The following MAPKAPK5 variants were observed in gnomAD, a reference collection of about 807,000 sequenced individuals.
MAPKAPK5 encodes the protein MAPK activated protein kinase 5.
A neutral mutation model predicts 65.1 loss-of-function variants in MAPKAPK5; 30 were observed. The ratio of observed to expected loss-of-function variants is 0.46; its 90% CI spans 0.34 to 0.63. The LOEUF is 0.63. MAPKAPK5 is among the 20% of genes least tolerant of loss of function. The pLI is 0.01. For synonymous variants in MAPKAPK5, 179 were observed against 204.6 expected, an observed-to-expected ratio of 0.87 and a Z score of 1.07; for missense variants, 433 against 581.4, an observed-to-expected ratio of 0.74 and a Z score of 2.63.
chr12:111,878,092 A>C (rs2070056400), intron 7 of MAPKAPK5, among the ~76,000 whole-genome samples: 1 of 151,162 alleles, frequency 6.6e-6, no homozygotes, highest in African/African-American at 2.4e-5. Context: ...ATTTTCTCCC[A>C]GTCTGTGGCT....
chr12:111,878,771 G>C (rs940364028), intron 7 of MAPKAPK5, among the ~76,000 whole-genome samples: 2 of 152,046 alleles, frequency 1.3e-5, no homozygotes, highest in African/African-American at 4.8e-5. Flanking sequence ...CATGAAAAAG[G>C]CTGTCTTTTC....
chr12:111,870,940 C>A, intron 6 of MAPKAPK5, 145 bp from the exon 7 acceptor site: 2 of 624,700 alleles, frequency 3.2e-6, no homozygotes, highest in Non-Finnish European at 5.6e-6. Context: ...TGTCTCCAGA[C>A]CTGGGGACAT....
At chr12:111,879,973 G>C (rs1194097126) in intron 7 of MAPKAPK5, 1 of 194,720 alleles carries the variant, frequency 5.1e-6, no homozygotes, top group Non-Finnish European at 1.1e-5. Flanking sequence ...GACCCCCTCT[G>C]GAGTTCCTCC....
At position 111,896,804 on chromosome 12, in the gene MAPKAPK5, T is replaced by C. The variant is rs922502124; in HGVS notation, c.*3743T>C. The C allele has an allele frequency of 6.6e-6, 1 of 152,158 alleles. No homozygotes were observed. The highest frequency in any genetic ancestry group is 2.4e-5 in the African/African-American group (1 of 41,438). 9.4% of individuals were successfully genotyped at this position (152,158 alleles called of 1,614,324 possible). ...TCTCTCTGACTAATATGTATGAATA[T>C]AGGAGAATCCCAGTCTGAATTTACT... On this transcript the variant is annotated 3_prime_UTR_variant, in exon 14 of 14. Transcript: ENST00000550735.
chr12:111,875,306 A>G (rs1432506400), intron 7 of MAPKAPK5, among the ~76,000 whole-genome samples: 1 of 152,004 alleles, frequency 6.6e-6, no homozygotes, highest in African/African-American at 2.4e-5. Flanking sequence ...TGTTGTTGCT[A>G]TCGTTGTCTT....
chr12:111,889,111 T>A (rs980485823), intron 12 of MAPKAPK5, 111 bp downstream of exon 12: 1 of 1,208,906 alleles, frequency 8.3e-7, no homozygotes, highest in African/African-American at 1.5e-5. Flanking sequence ...TTTTGGGTTG[T>A]CTGTTTCATC....
chr12:111,862,279 A>T (rs1225169314), intron 1 of MAPKAPK5, among the ~76,000 whole-genome samples: 1 of 152,200 alleles, frequency 6.6e-6, no homozygotes, highest in Non-Finnish European at 1.5e-5. Context: ...GGGGTCCAGA[A>T]ATTCAGCTGT....
intron 1 of MAPKAPK5, among the ~76,000 whole-genome samples, chr12:111,864,260 CG>C (rs1467304597): frequency 6.6e-6 from 1 of 151,678 alleles, no homozygotes; most frequent in Non-Finnish European, 1.5e-5. Flanking sequence ...GGGTGACCCT[CG>C]GTCTTCTCGG....
At chr12:111,843,526 A>G (rs2068803282) in intron 1 of MAPKAPK5, 1 of 353,300 alleles carries the variant, frequency 2.8e-6, no homozygotes, top group African/African-American at 2.1e-5. Flanking sequence ...ATGAAAATTA[A>G]ACATTGACGC....
chr12:111,880,661 C>A, intron 8 of MAPKAPK5, 134 bp downstream of exon 8: 1 of 706,918 alleles, frequency 1.4e-6, no homozygotes. Flanking sequence ...AGCAGCCAGA[C>A]TCGCAGAAAA....
chr12:111,842,630 G>A lies in MAPKAPK5; in HGVS notation c.-104G>A, dbSNP rs915790402. 6 of 793,996 alleles carry A rather than the reference G, an allele frequency of 7.6e-6. No individual in the cohort carries two copies. Among genetic ancestry groups the A allele is most frequent in the Admixed American group, 4.3e-5 (1 of 23,126 alleles). The allele number at this position is 793,996 out of a possible 1,614,324, so 49.2% of individuals were successfully genotyped here. A position where few individuals can be genotyped will look rare whatever the true frequency, so the allele number is the denominator to read the frequency against. On this transcript the variant is annotated 5_prime_UTR_variant, in exon 1 of 14. Coordinates refer to ENST00000550735, the MANE Select transcript of MAPKAPK5 (RefSeq NM_003668.4). ...AGGGGCGGCTGCTGCCCGTCGCCAC[G>A]AGGCCCAGGGGCCCGAGTGCCGAGC...
At chr12:111,842,884 G>A in intron 1 of MAPKAPK5, 115 bp downstream of exon 1, 1 of 1,048,154 alleles carries the variant, frequency 9.5e-7, no homozygotes, top group Non-Finnish European at 1.2e-6. Flanking sequence ...ACCGGGTTTC[G>A]GCCTCCCCCG....
chr12:111,876,314 G>A (rs1175680914), intron 7 of MAPKAPK5, among the ~76,000 whole-genome samples: 1 of 151,884 alleles, frequency 6.6e-6, no homozygotes, highest in Non-Finnish European at 1.5e-5. Context: ...TGGAAGGAGG[G>A]TGAGGATCAA....
intron 1 of MAPKAPK5, among the ~76,000 whole-genome samples, chr12:111,854,141 G>A (rs889744854): frequency 6.6e-6 from 1 of 152,016 alleles, no homozygotes; most frequent in Non-Finnish European, 1.5e-5. Context: ...TGGTATGAAT[G>A]TAATGCTAGC....
chr12:111,845,242 G>A (rs1593111993), intron 1 of MAPKAPK5, among the ~76,000 whole-genome samples: 2 of 151,926 alleles, frequency 1.3e-5, no homozygotes, highest in Non-Finnish European at 2.9e-5. Flanking sequence ...CTTGTGCCTT[G>A]GCCCTCCGAG....
In MAPKAPK5 at chr12:111,886,015, T is replaced by C. The variant is rs897785170; in HGVS notation, c.948T>C (p.Ser316=). The C allele has an allele frequency of 3.1e-6, 5 of 1,613,834 alleles. No individual in the cohort carries two copies. The highest frequency in any genetic ancestry group is 1.7e-5 in the Admixed American group (1 of 59,994). ...STEALDNVLP[S]AQLMMDKAVV... is the part of the protein sequence containing the mutation. Reference sequence around the variant, plus strand: ...AGGCCCTGGATAATGTGCTGCCTTCTGCTCAGCTGATGATGGACAAGGTTT... The same window carrying C: ...AGGCCCTGGATAATGTGCTGCCTTCCGCTCAGCTGATGATGGACAAGGTTT... The change falls in exon 10 of 14, where the codon TCT becomes TCC. Residue 316 remains serine, a synonymous_variant. Coordinates refer to ENST00000550735, the MANE Select transcript of MAPKAPK5 (RefSeq NM_003668.4).
Position 111,883,477 on chromosome 12 carries a change from A to C in MAPKAPK5, c.661-104A>C, listed in dbSNP as rs975125711. Reference sequence around the variant, plus strand: ...AGTCTCTGTTAAGTGACTCTAGTTTATATCAGCCTATATATTGCAGGGGCT... The same window carrying C: ...AGTCTCTGTTAAGTGACTCTAGTTTCTATCAGCCTATATATTGCAGGGGCT... On this transcript the variant is annotated intron_variant, in intron 8 of 13. Transcript: ENST00000550735. This position sits in a 1 kb window ranked among gnomAD's most constrained non-coding sequence, Gnocchi z 4.8. The C allele has an allele frequency of 4.1e-5, 37 of 906,236 alleles. No individual in the cohort carries two copies. Among genetic ancestry groups the C allele is most frequent in the Non-Finnish European group, 6.3e-5 (37 of 583,608 alleles). The allele number at this position is 906,236 out of a possible 1,614,324, so 56.1% of individuals were successfully genotyped here.
intron 1 of MAPKAPK5, chr12:111,843,337 A>G (rs868659905): frequency 2.5e-6 from 1 of 398,506 alleles, no homozygotes; most frequent in South Asian, 1.3e-4. Context: ...GGAAAAGTTA[A>G]CAGTTCCTGT....
chr12:111,892,839 TG>T, intron 13 of MAPKAPK5, 127 bp from the exon 14 acceptor site: 2 of 557,532 alleles, frequency 3.6e-6, no homozygotes, highest in South Asian at 2.4e-5. Context: ...TGATCAGTGG[TG>T]GGGGTGGTTC....
Sources: gnomAD v4.1 joint callset for allele counts (sites outside exome capture counted in the v4.1 genomes callset) on GRCh38, gnomAD v4.1.1 for gene constraint, Gnocchi (gnomAD v3.1) non-coding constraint, MANE v1.5 for transcripts, NCBI Gene and HGNC (gene_info 2026-07-23, HGNC 2026-07-21) for gene names.